Variants in CNKSR3 observed in about 807,000 individuals in gnomAD.
The protein encoded by CNKSR3 is CNKSR family member 3.
Under a neutral mutation model 67.7 loss-of-function variants are expected in CNKSR3, and 36 were observed. The ratio of observed to expected loss-of-function variants is 0.53; its 90% confidence interval spans 0.41 to 0.70. The LOEUF is 0.70. Among genes scored for constraint, CNKSR3 ranks in the 30% least tolerant of loss-of-function variants. The pLI is 0.00. For synonymous variants in CNKSR3, 281 were observed against 271.4 expected, an observed-to-expected ratio of 1.04 and a Z score of -0.35; for missense variants, 630 against 695.2, an observed-to-expected ratio of 0.91 and a Z score of 1.05.
chr6:154,462,035 G>A (rs1011001834), intron 1 of CNKSR3, among the ~76,000 whole-genome samples: 9 of 152,226 alleles, frequency 5.9e-5, no homozygotes, highest in African/African-American at 2.2e-4. Flanking sequence ...GGTTTGCCAG[G>A]CAGCATTAAA....
intron 1 of CNKSR3, among the ~76,000 whole-genome samples, chr6:154,509,574 G>A (rs955731222): frequency 6.6e-6 from 1 of 152,100 alleles, no homozygotes; most frequent in Non-Finnish European, 1.5e-5. Context: ...CAGGCTCGGC[G>A]GACCCGCCGG....
chr6:154,451,864 C>A (rs1276067067), intron 1 of CNKSR3, among the ~76,000 whole-genome samples: 1 of 152,078 alleles, frequency 6.6e-6, no homozygotes, highest in African/African-American at 2.4e-5. Context: ...AGCCCAGGGG[C>A]TAGACATTAC....
rs1177502112 is a variant in CNKSR3, at chr6:154,425,016, C to T, written c.730-2033G>A. Reference sequence around the variant, plus strand: ...TGAACTCTTTACCTCAGGTAATCCGCCCGCCTTGGCCTCCCAAAGTGCTGA... The same window carrying T: ...TGAACTCTTTACCTCAGGTAATCCGTCCGCCTTGGCCTCCCAAAGTGCTGA... On this transcript the variant is annotated intron_variant, in intron 7 of 12. Transcript: ENST00000607772. Among the ~76,000 whole-genome samples, 13 of 152,342 alleles carry T rather than the reference C, an allele frequency of 8.5e-5. 1 individual carries two copies. Among genetic ancestry groups the T allele is most frequent in the African/African-American group, 3.1e-4 (13 of 41,574 alleles).
chr6:154,494,759 CCT>C lies in CNKSR3; in HGVS notation c.52+15302_52+15303del, dbSNP rs962928193. 3.7e-4 allele frequency among the ~76,000 whole-genome samples: 56 copies of C among 152,236 alleles called. 1 individual carries two copies. Among genetic ancestry groups the C allele is most frequent in the South Asian group, 2.1e-4 (1 of 4,810 alleles). On this transcript the variant is annotated intron_variant, in intron 1 of 12. Coordinates refer to ENST00000607772, the MANE Select transcript of CNKSR3 (RefSeq NM_173515.4). ...GAGCCCTACACACCCCCGTTCCTCC[CCT>C]GTCAGTATTCTATTCACCCTCTTGC...
rs966562920 is a variant in CNKSR3, at chr6:154,400,733, C to T, written c.*5621G>A. On this transcript the variant is annotated 3_prime_UTR_variant, in exon 13 of 13. Transcript: ENST00000607772. ...AACAAGGCCCTCTAGCAGGTCTGAA[C>T]ATGATGTAATCACTTTTTCCTTTAC... is the stretch of plus-strand genomic sequence containing the variant. 3 of 152,214 alleles carry T rather than the reference C, an allele frequency of 2.0e-5. No homozygotes were observed. Among genetic ancestry groups the T allele is most frequent in the Non-Finnish European group, 2.9e-5 (2 of 68,048 alleles). The allele number at this position is 152,214 out of a possible 1,614,324, so 9.4% of individuals were successfully genotyped here.
intron 1 of CNKSR3, among the ~76,000 whole-genome samples, chr6:154,479,228 A>T (rs200955575): frequency 1.4e-3 from 199 of 140,774 alleles, no homozygotes; most frequent in East Asian, 4.0e-3. Context: ...AAAAAAAAAA[A>T]AAATATTCTT....
At chr6:154,446,679 A>T (rs974632550) in intron 2 of CNKSR3, among the ~76,000 whole-genome samples, 1 of 152,208 alleles carries the variant, frequency 6.6e-6, no homozygotes, top group African/African-American at 2.4e-5. Flanking sequence ...ACATGCATCA[A>T]TTCCAACTCT....
chr6:154,426,405 G>T (rs564749007), intron 7 of CNKSR3, among the ~76,000 whole-genome samples: 2 of 151,386 alleles, frequency 1.3e-5, no homozygotes, highest in South Asian at 2.1e-4. Context: ...TGTCACCCAG[G>T]CTGGACTGTG....
chr6:154,446,494 T>C (rs1034645634), intron 2 of CNKSR3, among the ~76,000 whole-genome samples: 2 of 152,188 alleles, frequency 1.3e-5, no homozygotes, highest in African/African-American at 4.8e-5. Context: ...CCAGCAAAAA[T>C]TCCTGTTCCT....
intron 9 of CNKSR3, among the ~76,000 whole-genome samples, chr6:154,417,736 G>A (rs1444213085): frequency 6.6e-6 from 1 of 152,118 alleles, no homozygotes; most frequent in Non-Finnish European, 1.5e-5. Flanking sequence ...CATATATGGA[G>A]GGAAGACCAC....
intron 2 of CNKSR3, among the ~76,000 whole-genome samples, chr6:154,443,058 G>A (rs112849203): frequency 0.048 from 7,214 of 151,812 alleles, 419 homozygotes; most frequent in African/African-American, 0.14. Flanking sequence ...CCACCATGCC[G>A]GGCTAATTTT....
rs577349040 is a variant in CNKSR3, at chr6:154,456,914, C to T, written c.53-6656G>A. 7.2e-5 allele frequency among the ~76,000 whole-genome samples: 11 copies of T among 152,044 alleles called. No individual in the cohort carries two copies. The East Asian group carries it at 2.1e-3, about 29-fold the overall frequency. ...CCTCCATTACAAAGGAGACGGGGTT[C>T]AGGGGTAGGTCAGCTTATTATTATC... On this transcript the variant is annotated intron_variant, in intron 1 of 12. Coordinates refer to ENST00000607772, the MANE Select transcript of CNKSR3 (RefSeq NM_173515.4).
intron 7 of CNKSR3, among the ~76,000 whole-genome samples, chr6:154,424,247 AAG>A (rs575871742): frequency 0.07 from 10,552 of 150,120 alleles, 808 homozygotes; most frequent in African/African-American, 0.19. Context: ...AAAAAAAAAA[AAG>A]AAAAGAAAAA....
At position 154,387,608 on chromosome 6, in the gene CNKSR3, T is replaced by C. The variant is rs1405395712; in HGVS notation, c.*18746A>G. On this transcript the variant is annotated 3_prime_UTR_variant, in exon 13 of 13. Coordinates refer to ENST00000607772, the MANE Select transcript of CNKSR3 (RefSeq NM_173515.4). ...GAATGTTTATCTAGTTCATGGTCCA[T>C]GATAACCACAGATTGCTGCATTTGT... The C allele has an allele frequency of 6.6e-6, 1 of 152,240 alleles. No individual in the cohort carries two copies. Among genetic ancestry groups the C allele is most frequent in the Non-Finnish European group, 1.5e-5 (1 of 68,040 alleles). The allele number at this position is 152,240 out of a possible 1,614,324, so 9.4% of individuals were successfully genotyped here. A position where few individuals can be genotyped will look rare whatever the true frequency, so the allele number is the denominator to read the frequency against.
chr6:154,430,634 A>G (rs1380484319), intron 5 of CNKSR3, 43 bp from the exon 6 acceptor site: 4 of 1,573,314 alleles, frequency 2.5e-6, no homozygotes, highest in Non-Finnish European at 3.4e-6. Context: ...TCAATCATTA[A>G]CCAAGTTTAT....
intron 1 of CNKSR3, among the ~76,000 whole-genome samples, chr6:154,477,761 C>A (rs534392204): frequency 6.6e-6 from 1 of 152,202 alleles, no homozygotes. Flanking sequence ...GACTCCCAAT[C>A]AATGTGCATG....
Position 154,410,996 on chromosome 6 carries a change from G to C in CNKSR3, c.1217C>G (p.Pro406Arg). The part of the protein sequence containing the change: ...RFTIADSDQL[P>R]GYSVETNILP... ...AATGTTGGTTTCCACCGAGTACCCA[G>C]GCAACTGATCCGAGTCTGCAATGGT... The change falls in exon 11 of 13, where the codon CCT (proline) becomes CGT (arginine). Residue 406 changes from proline to arginine, a missense_variant. By Grantham distance (103) the Pro-to-Arg change is moderately radical. Transcript: ENST00000607772. 6.2e-7 allele frequency: 1 copy of C among 1,614,062 alleles called. No homozygotes were observed. The highest frequency in any genetic ancestry group is 8.5e-7 in the Non-Finnish European group (1 of 1,179,992).
chr6:154,497,835 C>T (rs1206909588), intron 1 of CNKSR3, among the ~76,000 whole-genome samples: 2 of 152,146 alleles, frequency 1.3e-5, no homozygotes, highest in African/African-American at 2.4e-5. Context: ...CTTCATTTCC[C>T]GATGCAGAGC....
Position 154,439,245 on chromosome 6 carries a change from C to T in CNKSR3, c.507+2047G>A, listed in dbSNP as rs181235391. Among the ~76,000 whole-genome samples, 128 of 152,320 alleles carry T rather than the reference C, an allele frequency of 8.4e-4. 1 individual carries two copies. Among genetic ancestry groups the T allele is most frequent in the Non-Finnish European group, 4.9e-4 (33 of 68,034 alleles). On this transcript the variant is annotated intron_variant, in intron 4 of 12. Coordinates refer to ENST00000607772, the MANE Select transcript of CNKSR3 (RefSeq NM_173515.4). ...CCATTTTCTCTCCAGAGACTGTATG[C>T]TCCAGAAGGTCAGGGACTTTTTATC...
Sources: allele counts gnomAD v4.1 joint callset (sites outside exome capture counted in the v4.1 genomes callset), GRCh38; gene constraint gnomAD v4.1.1; transcripts MANE v1.5; gene names NCBI Gene and HGNC (gene_info 2026-07-23, HGNC 2026-07-21).